The following GRM1 variants were observed in gnomAD, a reference collection of about 807,000 sequenced individuals.
GRM1 encodes metabotropic glutamate receptor 1.
Under a neutral mutation model 90.9 loss-of-function variants are expected in GRM1, and 33 were observed. That is an observed-to-expected ratio of 0.36 (90% confidence interval 0.28 to 0.49). The LOEUF (loss-of-function observed/expected upper bound fraction) is 0.49. Among genes scored for constraint, GRM1 ranks in the 20% least tolerant of loss-of-function variants. The probability of loss-of-function intolerance (pLI) is 0.99; values close to 1 mark genes in which losing one functional copy is unlikely to be tolerated. For missense variants in GRM1, 1,190 were observed against 1,534.3 expected, an observed-to-expected ratio of 0.78 and a Z score of 3.75; for synonymous variants, 700 against 613.2, an observed-to-expected ratio of 1.14 and a Z score of -2.09.
chr6:146,356,592 C>G (rs1222295510), intron 4 of GRM1, among the ~76,000 whole-genome samples: 1 of 152,164 alleles, frequency 6.6e-6, no homozygotes, highest in Non-Finnish European at 1.5e-5. Flanking sequence ...GACCATAGGA[C>G]ATATGCATTT....
chr6:146,399,728 TTTCTC>T lies in GRM1; in HGVS notation c.2660+33_2660+37del. On this transcript the variant is annotated intron_variant, in intron 7 of 7. Coordinates refer to ENST00000282753, the MANE Select transcript of GRM1 (RefSeq NM_001278064.2). The surrounding 1 kb of genome is among the most constrained non-coding windows in gnomAD (Gnocchi z 5.4). ...AGTTATCTGACCTGTTTGTCTCTCTTTTCTCTTCCTTTCTCTGTCTCTTTCTCTCT... is the reference window on the plus strand; with the variant it reads ...AGTTATCTGACCTGTTTGTCTCTCTTTTCCTTTCTCTGTCTCTTTCTCTCT... 1 of 1,363,202 alleles carries T rather than the reference TTTCTC, an allele frequency of 7.3e-7. No individual in the cohort carries two copies. Among genetic ancestry groups the T allele is most frequent in the Non-Finnish European group, 1.0e-6 (1 of 973,736 alleles). 84.4% of individuals were successfully genotyped at this position (1,363,202 alleles called of 1,614,324 possible).
chr6:146,388,377 C>T (rs1231364392), intron 6 of GRM1, among the ~76,000 whole-genome samples: 2 of 151,944 alleles, frequency 1.3e-5, no homozygotes, highest in African/African-American at 2.4e-5. Context: ...GATGGTTGGA[C>T]ATTTTTTTAC....
intron 1 of GRM1, among the ~76,000 whole-genome samples, chr6:146,098,587 A>T (rs957454171): frequency 5.9e-5 from 9 of 152,136 alleles, no homozygotes; most frequent in African/African-American, 2.2e-4. Context: ...GGTAAATGTT[A>T]TTTTCCTACT....
intron 1 of GRM1, among the ~76,000 whole-genome samples, chr6:146,069,136 A>G (rs1297486087): frequency 6.6e-6 from 1 of 152,146 alleles, no homozygotes; most frequent in Non-Finnish European, 1.5e-5. Flanking sequence ...TTCTTTGTGG[A>G]CCTATTGAAG....
chr6:146,257,212 G>C (rs75777508), intron 2 of GRM1, among the ~76,000 whole-genome samples: 117 of 152,020 alleles, frequency 7.7e-4, no homozygotes, highest in Non-Finnish European at 1.3e-3. Flanking sequence ...GTATATATAG[G>C]CATCCTTATT....
chr6:146,177,252 T>G (rs1427388462), intron 2 of GRM1, among the ~76,000 whole-genome samples: 1 of 152,116 alleles, frequency 6.6e-6, no homozygotes, highest in African/African-American at 2.4e-5. Flanking sequence ...TAACTAGAAC[T>G]GACATGTATT....
At chr6:146,216,892 T>C (rs959447026) in intron 2 of GRM1, among the ~76,000 whole-genome samples, 5 of 152,182 alleles carry the variant, frequency 3.3e-5, no homozygotes, top group Non-Finnish European at 5.9e-5. Flanking sequence ...GGAGCCCAAC[T>C]TGGTTTGGGT....
At chr6:146,081,782 G>A (rs1417295242) in intron 1 of GRM1, among the ~76,000 whole-genome samples, 1 of 152,176 alleles carries the variant, frequency 6.6e-6, no homozygotes, top group Non-Finnish European at 1.5e-5. Context: ...CCTTCAAGAT[G>A]TCTTTGAGTC....
intron 1 of GRM1, among the ~76,000 whole-genome samples, chr6:146,088,146 A>G (rs989691068): frequency 1.3e-5 from 2 of 152,158 alleles, no homozygotes; most frequent in Non-Finnish European, 2.9e-5. Flanking sequence ...ATGTGTACTA[A>G]TAATTCACTG....
intron 2 of GRM1, among the ~76,000 whole-genome samples, chr6:146,238,727 G>T (rs1441580910): frequency 2.0e-5 from 3 of 152,008 alleles, no homozygotes; most frequent in Admixed American, 6.6e-5. Context: ...AGCTGTGCTT[G>T]GGAGATGCTC....
chr6:146,029,766 C>T lies in GRM1; in HGVS notation c.249C>T (p.Phe83=), dbSNP rs922244236. The change falls in exon 1 of 8, where the codon TTC becomes TTT. Residue 83 remains phenylalanine, a synonymous_variant. Coordinates refer to ENST00000282753, the MANE Select transcript of GRM1 (RefSeq NM_001278064.2). Reference sequence around the variant, plus strand: ...GCATCCAGAGGGTGGAGGCCATGTTCCACACGTTGGATAAGATCAACGCGG... The same window carrying T: ...GCATCCAGAGGGTGGAGGCCATGTTTCACACGTTGGATAAGATCAACGCGG... ...QYGIQRVEAM[F]HTLDKINADP... The T allele has an allele frequency of 1.9e-6, 3 of 1,613,956 alleles. No individual in the cohort carries two copies. Among genetic ancestry groups the T allele is most frequent in the Non-Finnish European group, 2.5e-6 (3 of 1,179,992 alleles).
intron 1 of GRM1, among the ~76,000 whole-genome samples, chr6:146,145,351 G>T (rs191532440): frequency 1.9e-4 from 29 of 152,230 alleles, no homozygotes; most frequent in Non-Finnish European, 4.0e-4. Flanking sequence ...CTTTTAGGCT[G>T]TCCCCCCATC....
chr6:146,200,917 G>A (rs1274542089), intron 2 of GRM1, among the ~76,000 whole-genome samples: 1 of 152,164 alleles, frequency 6.6e-6, no homozygotes, highest in Non-Finnish European at 1.5e-5. Flanking sequence ...AGCATCCTGT[G>A]TCTTGTATTA....
chr6:146,399,751 TTC>T lies in GRM1; in HGVS notation c.2660+74_2660+75del, dbSNP rs57974513. The T allele has an allele frequency of 0.16, 137,546 of 850,466 alleles. 4,240 individuals carry two copies. The highest frequency in any genetic ancestry group is 0.4 in the East Asian group (11,857 of 29,352). 52.7% of individuals were successfully genotyped at this position (850,466 alleles called of 1,614,324 possible). A position where few individuals can be genotyped will look rare whatever the true frequency, so the allele number is the denominator to read the frequency against. ...CTTTTCTCTTCCTTTCTCTGTCTCT[TTC>T]TCTCTCTCTCTCTCTCTCTCTTTCT... is the stretch of plus-strand genomic sequence containing the variant. On this transcript the variant is annotated intron_variant, in intron 7 of 7. Coordinates refer to ENST00000282753, the MANE Select transcript of GRM1 (RefSeq NM_001278064.2). The surrounding 1 kb of genome is among the most constrained non-coding windows in gnomAD (Gnocchi z 5.4).
At position 146,288,559 on chromosome 6, in the gene GRM1, G is replaced by A. The variant is rs78012787; in HGVS notation, c.951-16052G>A. 2.7e-3 allele frequency among the ~76,000 whole-genome samples: 416 copies of A among 152,216 alleles called. 10 individuals are homozygous for A. In the East Asian group the frequency reaches 0.038, roughly 14 times the overall value. On this transcript the variant is annotated intron_variant, in intron 2 of 7. Transcript: ENST00000282753. ...TTGCTCTTGTTGCCCAGACTGGAGC[G>A]CAAAGGTGCGATCTCGGCTCACTGC...
chr6:146,419,100 C>G (rs1461314144), intron 7 of GRM1, among the ~76,000 whole-genome samples: 1 of 152,094 alleles, frequency 6.6e-6, no homozygotes, highest in Non-Finnish European at 1.5e-5. Context: ...GTGAATTGTA[C>G]AGGAACTTGA....
chr6:146,271,452 T>G (rs1583254074), intron 2 of GRM1, among the ~76,000 whole-genome samples: 1 of 151,740 alleles, frequency 6.6e-6, no homozygotes, highest in East Asian at 1.9e-4. Flanking sequence ...CTGGTGGAGG[T>G]GGACAGAGGA....
At chr6:146,255,362 T>A (rs7752948) in intron 2 of GRM1, among the ~76,000 whole-genome samples, 8,093 of 152,198 alleles carry the variant, frequency 0.053, 707 homozygotes, top group African/African-American at 0.18. Context: ...TGACCAAAGA[T>A]CTTCAATCTA....
intron 7 of GRM1, among the ~76,000 whole-genome samples, chr6:146,420,117 C>T (rs1484958476): frequency 6.6e-6 from 1 of 152,206 alleles, no homozygotes; most frequent in African/African-American, 2.4e-5. Context: ...AAGCTGAATA[C>T]ATCTGACATA....
Sources: gnomAD v4.1 joint callset for allele counts (sites outside exome capture counted in the v4.1 genomes callset) on GRCh38, gnomAD v4.1.1 for gene constraint, Gnocchi (gnomAD v3.1) non-coding constraint, MANE v1.5 for transcripts, NCBI Gene and HGNC (gene_info 2026-07-23, HGNC 2026-07-21) for gene names.